Variants in PPFIBP2 observed in about 807,000 individuals in gnomAD.
The protein encoded by PPFIBP2 is liprin-beta-2.
In PPFIBP2, 118 loss-of-function variants were observed where a neutral mutation model predicts 118.3. That is an observed-to-expected ratio of 1.00 (90% confidence interval 0.86 to 1.16). PPFIBP2 has a LOEUF of 1.16. Among genes scored for constraint, PPFIBP2 ranks in the 50% most tolerant of loss-of-function variants. PPFIBP2 has a pLI of 0.00. For synonymous variants in PPFIBP2, 414 were observed against 397.4 expected (o/e 1.04, Z -0.50); for missense variants, 1,195 against 1,073.1 (o/e 1.11, Z -1.59).
In PPFIBP2 at chr11:7,641,560, AG is replaced by A. The variant is rs1342987817; in HGVS notation, c.1458del (p.Gln486HisfsTer4). 1.9e-6 allele frequency: 3 copies of A among 1,613,852 alleles called. No individual in the cohort carries two copies. The highest frequency in any genetic ancestry group is 2.5e-6 in the Non-Finnish European group (3 of 1,179,792). ...STSSGTESGPQSPLTPDGKRN... is the reference protein window; with the variant it reads ...STSSGTESGPXSPLTPDGKRN... ...TCATCGGGCACTGAATCAGGTCCTC[AG>A]TCTCCTCTGACACCAGATGGTAAAC... On this transcript the variant is annotated frameshift_variant, in exon 16 of 24. Transcript: ENST00000299492. LOFTEE classifies it high-confidence loss of function.
intron 7 of PPFIBP2, 30 bp from the exon 8 acceptor site, chr11:7,625,747 C>CCTGG: frequency 6.3e-7 from 1 of 1,591,492 alleles, no homozygotes; most frequent in South Asian, 1.1e-5. Context: ...GTCCTTCTGA[C>CCTGG]CTGGTAGGGA....
chr11:7,552,089 G>T (rs891202295), intron 2 of PPFIBP2, among the ~76,000 whole-genome samples: 1 of 152,224 alleles, frequency 6.6e-6, no homozygotes, highest in Non-Finnish European at 1.5e-5. Context: ...TTTGTAGAGA[G>T]AAGGCATTCT....
chr11:7,586,531 G>A (rs1322857164), intron 3 of PPFIBP2, among the ~76,000 whole-genome samples: 3 of 152,144 alleles, frequency 2.0e-5, no homozygotes, highest in Non-Finnish European at 2.9e-5. Context: ...AGTGCCACAC[G>A]TTTTCAGGTA....
chr11:7,648,965 A>G lies in PPFIBP2; in HGVS notation c.1909+54A>G, dbSNP rs1306668454. The G allele has an allele frequency of 2.6e-6, 4 of 1,518,998 alleles. 1 individual carries two copies. The highest frequency in any genetic ancestry group is 1.7e-4 in the Middle Eastern group (1 of 5,892). The allele number at this position is 1,518,998 out of a possible 1,614,324, so 94.1% of individuals were successfully genotyped here. ...TGTCTCTGGCAGCAACTAAGAGTAGAAAGAATTTTCCTGTTAAATGGGTAC... is the reference window on the plus strand; with the variant it reads ...TGTCTCTGGCAGCAACTAAGAGTAGGAAGAATTTTCCTGTTAAATGGGTAC... On this transcript the variant is annotated intron_variant, in intron 19 of 23. Transcript: ENST00000299492.
intron 15 of PPFIBP2, among the ~76,000 whole-genome samples, chr11:7,640,724 A>G (rs1279455497): frequency 1.3e-5 from 2 of 152,122 alleles, no homozygotes; most frequent in Non-Finnish European, 2.9e-5. Context: ...CACCTGCACA[A>G]GAGCTGCCTG....
intron 3 of PPFIBP2, among the ~76,000 whole-genome samples, chr11:7,584,393 A>G (rs1170532730): frequency 1.3e-5 from 2 of 152,194 alleles, no homozygotes; most frequent in African/African-American, 4.8e-5. Context: ...GGAGGGAATA[A>G]GGGTCAAGGT....
At chr11:7,662,620 T>C in the PPFIBP2 span, among the ~76,000 whole-genome samples, 2 of 148,630 alleles carry the variant, frequency 1.3e-5, no homozygotes, top group Admixed American at 6.7e-5. Context: ...CTGACAATTA[T>C]GTGTCTTGGA....
At chr11:7,645,226 G>A (rs534456063) in intron 17 of PPFIBP2, among the ~76,000 whole-genome samples, 20 of 152,044 alleles carry the variant, frequency 1.3e-4, no homozygotes, top group South Asian at 6.3e-4. Flanking sequence ...GGGTTTAGGG[G>A]GGTATGTGTG....
At chr11:7,654,987 C>T (rs868817769), downstream of PPFIBP2, among the ~76,000 whole-genome samples, 2 of 152,136 alleles carry the variant, frequency 1.3e-5, no homozygotes, top group South Asian at 2.1e-4. Flanking sequence ...GAGGGAGGCT[C>T]TTGAGTAGTG....
chr11:7,546,558 G>A (rs145624593), intron 1 of PPFIBP2, among the ~76,000 whole-genome samples: 42 of 152,320 alleles, frequency 2.8e-4, no homozygotes, highest in Non-Finnish European at 5.3e-4. Context: ...TGATTTGTTA[G>A]GCATTGGCAT....
chr11:7,656,880 C>T (rs1216576350), downstream of PPFIBP2: 43 of 1,058,374 alleles, frequency 4.1e-5, no homozygotes, highest in East Asian at 1.2e-4. Context: ...GCACACAGCC[C>T]CCTCTGCAAG....
chr11:7,573,720 C>G (rs969647429), intron 3 of PPFIBP2, among the ~76,000 whole-genome samples: 1 of 152,208 alleles, frequency 6.6e-6, no homozygotes, highest in African/African-American at 2.4e-5. Flanking sequence ...CCCTTCTCAG[C>G]GGGCCCACTG....
At chr11:7,660,861 C>CT (rs1227431161), downstream of PPFIBP2, among the ~76,000 whole-genome samples, 2 of 151,864 alleles carry the variant, frequency 1.3e-5, no homozygotes, top group Non-Finnish European at 2.9e-5. Flanking sequence ...CAACTTCTTC[C>CT]TGGTTTAGTG....
intron 1 of PPFIBP2, among the ~76,000 whole-genome samples, chr11:7,524,853 G>A (rs1017248449): frequency 7.9e-5 from 12 of 152,182 alleles, no homozygotes; most frequent in Admixed American, 4.6e-4. Context: ...CAGAGGAATA[G>A]TTCTTGACTC....
chr11:7,522,819 C>T (rs971768593), intron 1 of PPFIBP2, among the ~76,000 whole-genome samples: 6 of 152,110 alleles, frequency 3.9e-5, no homozygotes, highest in African/African-American at 9.7e-5. Context: ...AGGGTATCAG[C>T]GCTCTTATAC....
At chr11:7,567,816 C>T (rs551688077) in intron 3 of PPFIBP2, among the ~76,000 whole-genome samples, 3 of 152,198 alleles carry the variant, frequency 2.0e-5, no homozygotes, top group Admixed American at 6.5e-5. Flanking sequence ...GCTTTCTTAT[C>T]CCCTCGTAGC....
intron 22 of PPFIBP2, 189 bp from the exon 23 acceptor site, chr11:7,651,467 T>G: frequency 1.9e-6 from 1 of 531,398 alleles, no homozygotes; most frequent in South Asian, 3.2e-5. Context: ...AGTCAGCACA[T>G]GTGCTAGTAT....
Position 7,651,867 on chromosome 11 carries a change from G to C in PPFIBP2, c.2436+23G>C, listed in dbSNP as rs767864439. 6 of 1,597,070 alleles carry C rather than the reference G, an allele frequency of 3.8e-6. No homozygotes were observed. In the South Asian group the frequency reaches 6.7e-5, roughly 18 times the overall value. On this transcript the variant is annotated intron_variant, in intron 23 of 23. Transcript: ENST00000299492. ...CGGGTGAGTTGCAGAGCCTTTCTGG[G>C]TGGGCCCTGGGCTGCCTCCTGGCCC...
In PPFIBP2 at chr11:7,651,967, G is replaced by C. The variant is rs915836066; in HGVS notation, c.2436+123G>C. ...CAGCCTGGACAAAGAGGATCTTTCA[G>C]CTTCTGCTGTGGGCTTGTGGTCTGT... is the stretch of plus-strand genomic sequence containing the variant. On this transcript the variant is annotated intron_variant, in intron 23 of 23. Coordinates refer to ENST00000299492, the MANE Select transcript of PPFIBP2 (RefSeq NM_003621.5). The C allele has an allele frequency of 3.4e-5, 33 of 964,502 alleles. No homozygotes were observed. The South Asian group carries it at 5.2e-4, about 15-fold the overall frequency. 59.7% of individuals were successfully genotyped at this position (964,502 alleles called of 1,614,324 possible).
Sources: gnomAD v4.1 joint callset for allele counts (sites outside exome capture counted in the v4.1 genomes callset) on GRCh38, gnomAD v4.1.1 for gene constraint, MANE v1.5 for transcripts, NCBI Gene and HGNC (gene_info 2026-07-23, HGNC 2026-07-21) for gene names.